CLSTN2: variants seen among roughly 807,000 people sequenced by gnomAD.
The protein encoded by CLSTN2 is calsyntenin-2.
In CLSTN2, 48 loss-of-function variants were observed where a neutral mutation model predicts 101.2. The ratio of observed to expected loss-of-function variants is 0.47; its 90% CI spans 0.38 to 0.60. The LOEUF is 0.60. CLSTN2 is among the 20% of genes least tolerant of loss of function. The pLI is 0.00. For synonymous variants in CLSTN2, 481 were observed against 463.6 expected, an observed-to-expected ratio of 1.04 and a Z score of -0.48; for missense variants, 1,160 against 1,238.2, an observed-to-expected ratio of 0.94 and a Z score of 0.95.
chr3:140,438,439 A>AG (rs1300075743), intron 5 of CLSTN2, among the ~76,000 whole-genome samples: 1 of 148,592 alleles, frequency 6.7e-6, no homozygotes, highest in Non-Finnish European at 1.5e-5. Flanking sequence ...ATTAAAAAAA[A>AG]AAAAAAAAAA....
chr3:140,260,918 T>C (rs1451910397), intron 2 of CLSTN2, among the ~76,000 whole-genome samples: 1 of 152,144 alleles, frequency 6.6e-6, no homozygotes, highest in Non-Finnish European at 1.5e-5. Flanking sequence ...GTTTTTCTCA[T>C]GGTAAAAACT....
chr3:140,364,427 C>A (rs1176143000), intron 2 of CLSTN2, among the ~76,000 whole-genome samples: 3 of 152,162 alleles, frequency 2.0e-5, no homozygotes, highest in Non-Finnish European at 4.4e-5. Flanking sequence ...TTACCTTCCT[C>A]TTTGCACACC....
intron 1 of CLSTN2, among the ~76,000 whole-genome samples, chr3:140,117,775 T>G (rs2009270875): frequency 6.6e-6 from 1 of 152,120 alleles, no homozygotes; most frequent in Non-Finnish European, 1.5e-5. Flanking sequence ...ATCTTACAGA[T>G]GGGAAAACCA....
intron 1 of CLSTN2, among the ~76,000 whole-genome samples, chr3:140,083,188 T>C (rs2008627339): frequency 6.6e-6 from 1 of 152,164 alleles, no homozygotes; most frequent in Non-Finnish European, 1.5e-5. Context: ...TGTATGATGA[T>C]TTGAATATTT....
intron 2 of CLSTN2, among the ~76,000 whole-genome samples, chr3:140,271,887 T>C (rs1400057134): frequency 6.6e-6 from 1 of 152,214 alleles, no homozygotes; most frequent in Non-Finnish European, 1.5e-5. Flanking sequence ...TCAGCTAATG[T>C]GCAAAATGTG....
chr3:140,409,898 GA>G (rs1296716567), intron 4 of CLSTN2, among the ~76,000 whole-genome samples: 2 of 151,904 alleles, frequency 1.3e-5, no homozygotes, highest in African/African-American at 4.8e-5. Context: ...TACAATGACT[GA>G]ATTTTAAAAA....
At chr3:140,491,276 C>T (rs1934348103) in intron 8 of CLSTN2, among the ~76,000 whole-genome samples, 1 of 152,204 alleles carries the variant, frequency 6.6e-6, no homozygotes, top group Non-Finnish European at 1.5e-5. Context: ...CTCATTTCAT[C>T]CTTGCCCTGG....
intron 8 of CLSTN2, among the ~76,000 whole-genome samples, chr3:140,493,158 C>A (rs1297971535): frequency 6.6e-6 from 1 of 152,198 alleles, no homozygotes; most frequent in Non-Finnish European, 1.5e-5. Context: ...CCATTGCCTT[C>A]CTGGCTGGGT....
chr3:140,073,327 A>G (rs2008429139), intron 1 of CLSTN2, among the ~76,000 whole-genome samples: 1 of 152,198 alleles, frequency 6.6e-6, no homozygotes, highest in African/African-American at 2.4e-5. Context: ...CCCACCCCCC[A>G]GGATGTATTT....
At chr3:139,999,107 T>G (rs765575853) in intron 1 of CLSTN2, among the ~76,000 whole-genome samples, 5 of 152,198 alleles carry the variant, frequency 3.3e-5, no homozygotes, top group Non-Finnish European at 7.3e-5. Flanking sequence ...GGGGCTGCCT[T>G]CAGGCATCAG....
intron 1 of CLSTN2, among the ~76,000 whole-genome samples, chr3:140,112,651 G>A (rs534827107): frequency 6.6e-6 from 1 of 152,204 alleles, no homozygotes; most frequent in South Asian, 2.1e-4. Context: ...CTTCTTATGG[G>A]TGCATGCAGT....
At chr3:140,026,490 T>C in intron 1 of CLSTN2, among the ~76,000 whole-genome samples, 1 of 152,200 alleles carries the variant, frequency 6.6e-6, no homozygotes, top group East Asian at 1.9e-4. Context: ...AAGTGCCATC[T>C]TTTCTCTGCT....
chr3:140,330,216 C>T (rs953275867), intron 2 of CLSTN2, among the ~76,000 whole-genome samples: 3 of 152,228 alleles, frequency 2.0e-5, no homozygotes, highest in Non-Finnish European at 2.9e-5. Flanking sequence ...AGATACTTGT[C>T]GTGCTCCATG....
At chr3:139,951,597 A>G (rs537666567) in intron 1 of CLSTN2, among the ~76,000 whole-genome samples, 2 of 152,176 alleles carry the variant, frequency 1.3e-5, no homozygotes, top group African/African-American at 4.8e-5. Flanking sequence ...GGGAGACCAC[A>G]CTGGGCCCAG....
At chr3:140,166,880 CAG>C (rs1437960833) in intron 1 of CLSTN2, among the ~76,000 whole-genome samples, 1 of 152,160 alleles carries the variant, frequency 6.6e-6, no homozygotes, top group Non-Finnish European at 1.5e-5. Flanking sequence ...GTGCAGAAAA[CAG>C]GGATATTATC....
At chr3:140,504,375 A>G (rs919282896) in intron 8 of CLSTN2, among the ~76,000 whole-genome samples, 1 of 152,194 alleles carries the variant, frequency 6.6e-6, no homozygotes, top group Non-Finnish European at 1.5e-5. Flanking sequence ...CAAAAAAAAA[A>G]AGGTGGTGCT....
intron 1 of CLSTN2, among the ~76,000 whole-genome samples, chr3:140,151,363 G>T (rs566484804): frequency 1.3e-5 from 2 of 152,128 alleles, no homozygotes; most frequent in South Asian, 2.1e-4. Flanking sequence ...CTAAAGGAAG[G>T]GGTGAAGACA....
intron 2 of CLSTN2, among the ~76,000 whole-genome samples, chr3:140,375,073 G>T (rs968027420): frequency 6.6e-6 from 1 of 152,180 alleles, no homozygotes; most frequent in Admixed American, 6.5e-5. Context: ...ATGTATGGAT[G>T]GACAATGCTC....
In CLSTN2 at chr3:140,282,046, TGTATAGG is replaced by T. The variant is rs2086852510; in HGVS notation, c.232+105977_232+105983del. On this transcript the variant is annotated intron_variant, in intron 2 of 16. Coordinates refer to ENST00000458420, the MANE Select transcript of CLSTN2 (RefSeq NM_022131.3). The stretch of plus-strand genomic sequence containing the variant: ...GCCCAAAACTGTATGTGTTTGTGTG[TGTATAGG>T]GTAGATAGGTACCTTGAACCTATGA... Among the ~76,000 whole-genome samples, 3 of 152,186 alleles carry T rather than the reference TGTATAGG, an allele frequency of 2.0e-5. No individual in the cohort carries two copies. In the South Asian group the frequency reaches 6.2e-4, roughly 32 times the overall value.
Sources: allele counts gnomAD v4.1 joint callset (sites outside exome capture counted in the v4.1 genomes callset), GRCh38; gene constraint gnomAD v4.1.1; transcripts MANE v1.5; gene names NCBI Gene and HGNC (gene_info 2026-07-23, HGNC 2026-07-21).